Variants in SGPP1 observed in about 807,000 individuals in gnomAD.
SGPP1 encodes the protein hSPP1.
A neutral mutation model predicts 33.0 loss-of-function variants in SGPP1; 21 were observed. The ratio of observed to expected loss-of-function variants is 0.64; its 90% CI spans 0.45 to 0.92. The LOEUF is 0.92. SGPP1 is among the 40% of genes least tolerant of loss of function. The pLI, the probability that SGPP1 is intolerant of heterozygous loss-of-function variation, is 0.00. For synonymous variants in SGPP1, 239 were observed against 241.2 expected (o/e 0.99, Z 0.08); for missense variants, 543 against 589.4 (o/e 0.92, Z 0.81).
intron 2 of SGPP1, among the ~76,000 whole-genome samples, chr14:63,698,233 G>A (rs1595063731): frequency 6.6e-6 from 1 of 152,174 alleles, no homozygotes; most frequent in South Asian, 2.1e-4. Flanking sequence ...GCTCTCCTTG[G>A]TTTCTGTAGC....
intron 1 of SGPP1, among the ~76,000 whole-genome samples, chr14:63,715,660 C>T (rs1885609049): frequency 6.6e-6 from 1 of 152,132 alleles, no homozygotes; most frequent in Non-Finnish European, 1.5e-5. Context: ...GGGAGAAAGA[C>T]TAGTATCCTC....
intron 1 of SGPP1, among the ~76,000 whole-genome samples, chr14:63,719,063 T>C (rs1885715339): frequency 7.9e-6 from 1 of 126,956 alleles, no homozygotes; most frequent in African/African-American, 3.0e-5. Context: ...GTTTAGCTCC[T>C]GTCATCCAAG....
intron 1 of SGPP1, among the ~76,000 whole-genome samples, chr14:63,706,549 A>G (rs992076580): frequency 1.3e-5 from 2 of 152,208 alleles, no homozygotes; most frequent in African/African-American, 4.8e-5. Context: ...TATTACTATA[A>G]TATGTGTCTG....
intron 1 of SGPP1, among the ~76,000 whole-genome samples, chr14:63,715,470 T>C (rs985880859): frequency 1.3e-5 from 2 of 152,198 alleles, no homozygotes; most frequent in African/African-American, 4.8e-5. Context: ...TGTTTGTATG[T>C]TGTTCGAATA....
intron 1 of SGPP1, among the ~76,000 whole-genome samples, chr14:63,707,053 A>C (rs1046120255): frequency 2.8e-4 from 42 of 151,378 alleles, no homozygotes; most frequent in African/African-American, 9.2e-4. Flanking sequence ...AAAAAAAAAA[A>C]AAAAAAAACT....
At chr14:63,688,493 A>G (rs1370463881) in intron 2 of SGPP1, among the ~76,000 whole-genome samples, 1 of 152,114 alleles carries the variant, frequency 6.6e-6, no homozygotes, top group East Asian at 1.9e-4. Context: ...AAACAAAGCT[A>G]TTAAATAACT....
rs1884955075 is a variant in SGPP1, at chr14:63,685,654, T to C, written c.*451A>G. On this transcript the variant is annotated 3_prime_UTR_variant, in exon 3 of 3. Coordinates refer to ENST00000247225, the MANE Select transcript of SGPP1 (RefSeq NM_030791.4). ...TCCCATAGTAAATAAATGTTAAATA[T>C]ATCTGTTAATAACAACATACCTGTA... 1 of 152,082 alleles carries C rather than the reference T, an allele frequency of 6.6e-6. No individual in the cohort carries two copies. The highest frequency in any genetic ancestry group is 2.1e-4 in the South Asian group (1 of 4,830). The allele number at this position is 152,082 out of a possible 1,614,324, so 9.4% of individuals were successfully genotyped here.
At chr14:63,692,364 G>T (rs1309931600) in intron 2 of SGPP1, among the ~76,000 whole-genome samples, 2 of 152,150 alleles carry the variant, frequency 1.3e-5, no homozygotes, top group African/African-American at 2.4e-5. Context: ...CTCTTACATT[G>T]AAGGTACTTG....
In SGPP1 at chr14:63,727,858, C is replaced by G. The variant is rs1216101318; in HGVS notation, c.87G>C (p.Val29=). The G allele has an allele frequency of 1.3e-6, 2 of 1,520,328 alleles. No homozygotes were observed. Among genetic ancestry groups the G allele is most frequent in the Non-Finnish European group, 8.8e-7 (1 of 1,140,348 alleles). The allele number at this position is 1,520,328 out of a possible 1,614,324, so 94.2% of individuals were successfully genotyped here. A position where few individuals can be genotyped will look rare whatever the true frequency, so the allele number is the denominator to read the frequency against. Residue 29 remains valine, a synonymous_variant, in exon 1 of 3, where the codon GTG becomes GTC. Transcript: ENST00000247225. ...CTGCTGAGCGGCGCGGCGGCGCTTC[C>G]ACCCCGCACAGCCGCTGGAAACGGG... is the stretch of plus-strand genomic sequence containing the variant. ...KVARFQRLCG[V]EAPPRRSADR...
chr14:63,724,868 C>T (rs754087855), intron 1 of SGPP1, among the ~76,000 whole-genome samples: 1 of 147,210 alleles, frequency 6.8e-6, no homozygotes, highest in Admixed American at 6.9e-5. Flanking sequence ...GGCAACAGAG[C>T]GAGACTCCGT....
chr14:63,727,839 A>G lies in SGPP1; in HGVS notation c.106T>C (p.Ser36Pro), dbSNP rs752288586. ...TTCTCATCCTCCCTCCGGTCTGCTG[A>G]GCGGCGCGGCGGCGCTTCCACCCCG... is the stretch of plus-strand genomic sequence containing the variant. ...LCGVEAPPRR[S>P]ADRREDEKAE... Residue 36 changes from serine (S) to proline (P), a missense_variant, in exon 1 of 3, where the codon TCA (serine) becomes CCA (proline). Coordinates refer to ENST00000247225, the MANE Select transcript of SGPP1 (RefSeq NM_030791.4). The G allele has an allele frequency of 1.3e-6, 2 of 1,512,204 alleles. No homozygotes were observed. The highest frequency in any genetic ancestry group is 1.4e-5 in the African/African-American group (1 of 69,780). The allele number at this position is 1,512,204 out of a possible 1,614,324, so 93.7% of individuals were successfully genotyped here. A position where few individuals can be genotyped will look rare whatever the true frequency, so the allele number is the denominator to read the frequency against.
At chr14:63,714,295 C>T (rs537877681) in intron 1 of SGPP1, among the ~76,000 whole-genome samples, 1 of 152,306 alleles carries the variant, frequency 6.6e-6, no homozygotes, top group East Asian at 1.9e-4. Flanking sequence ...TTTGATGGAT[C>T]TCATCAAAAG....
chr14:63,694,321 AAATTG>A (rs1885146714), intron 2 of SGPP1, among the ~76,000 whole-genome samples: 1 of 152,110 alleles, frequency 6.6e-6, no homozygotes, highest in African/African-American at 2.4e-5. Context: ...AAATGTCTTT[AAATTG>A]TTATGTTTGA....
chr14:63,703,800 GTT>G (rs57439548), intron 1 of SGPP1, among the ~76,000 whole-genome samples: 8 of 98,916 alleles, frequency 8.1e-5, no homozygotes, highest in Non-Finnish European at 9.8e-5. Flanking sequence ...CCCTATTTAA[GTT>G]TTTTTTTTTT....
chr14:63,697,186 TA>T (rs947351698), intron 2 of SGPP1, among the ~76,000 whole-genome samples: 3 of 152,114 alleles, frequency 2.0e-5, no homozygotes, highest in African/African-American at 7.2e-5. Flanking sequence ...AATTAAAATT[TA>T]AAAAAACCTA....
chr14:63,695,096 G>A (rs545715161), intron 2 of SGPP1, among the ~76,000 whole-genome samples: 119 of 151,540 alleles, frequency 7.9e-4, no homozygotes, highest in Non-Finnish European at 1.3e-3. Flanking sequence ...TCGCTCTGTC[G>A]CCCAGGCTGG....
At chr14:63,705,505 C>T (rs1481899516) in intron 1 of SGPP1, among the ~76,000 whole-genome samples, 1 of 150,512 alleles carries the variant, frequency 6.6e-6, no homozygotes, top group African/African-American at 2.4e-5. Flanking sequence ...CCATCTCTAA[C>T]AAAAATACAA....
chr14:63,714,931 G>C (rs990753129), intron 1 of SGPP1, among the ~76,000 whole-genome samples: 2 of 151,248 alleles, frequency 1.3e-5, no homozygotes, highest in East Asian at 3.9e-4. Flanking sequence ...ATTTCACCAT[G>C]GTGCCCAGGC....
chr14:63,726,894 G>A (rs1200916581), intron 1 of SGPP1, among the ~76,000 whole-genome samples: 1 of 152,084 alleles, frequency 6.6e-6, no homozygotes, highest in African/African-American at 2.4e-5. Context: ...GTGAAACTGG[G>A]TCTTAGTTTA....
Sources: gnomAD v4.1 joint callset for allele counts (sites outside exome capture counted in the v4.1 genomes callset) on GRCh38, gnomAD v4.1.1 for gene constraint, MANE v1.5 for transcripts, NCBI Gene and HGNC (gene_info 2026-07-23, HGNC 2026-07-21) for gene names.